The following SUCLG2 variants were observed in gnomAD, a reference collection of about 807,000 sequenced individuals.
The protein encoded by SUCLG2 is succinate--CoA ligase [GDP-forming] subunit beta, mitochondrial.
A neutral mutation model predicts 47.9 loss-of-function variants in SUCLG2; 42 were observed. That is an observed-to-expected ratio of 0.88 (90% CI 0.69 to 1.14). The LOEUF is 1.14. Ranked by LOEUF, SUCLG2 falls within the 50% of genes most tolerant of loss-of-function variation. SUCLG2 has a pLI of 0.00. For missense variants in SUCLG2, 571 were observed against 525.9 expected, an observed-to-expected ratio of 1.09 and a Z score of -0.84; for synonymous variants, 195 against 197.3, an observed-to-expected ratio of 0.99 and a Z score of 0.10.
At chr3:67,398,285 A>G (rs1702596770) in intron 10 of SUCLG2, among the ~76,000 whole-genome samples, 2 of 150,868 alleles carry the variant, frequency 1.3e-5, no homozygotes, top group Admixed American at 6.6e-5. Context: ...ACAAAGGGCT[A>G]ATATCCAGAA....
At chr3:67,547,487 A>AAGAGGCTGCAG (rs1706897156) in intron 2 of SUCLG2, among the ~76,000 whole-genome samples, 1 of 152,190 alleles carries the variant, frequency 6.6e-6, no homozygotes, top group Non-Finnish European at 1.5e-5. Context: ...GTCCTCAAGC[A>AAGAGGCTGCAG]CTGGTGCCCT....
At chr3:67,428,499 G>C (rs1703368376) in intron 9 of SUCLG2, among the ~76,000 whole-genome samples, 1 of 152,190 alleles carries the variant, frequency 6.6e-6, no homozygotes, top group Non-Finnish European at 1.5e-5. Flanking sequence ...TGAGAAACCA[G>C]AGCAGAAAAG....
chr3:67,399,182 TAAAAA>T (rs150131579), intron 10 of SUCLG2, among the ~76,000 whole-genome samples: 1 of 150,428 alleles, frequency 6.6e-6, no homozygotes, highest in Non-Finnish European at 1.5e-5. Context: ...AATAATAAAA[TAAAAA>T]AAAAGAAAAA....
chr3:67,518,692 T>C (rs984384561), intron 5 of SUCLG2, among the ~76,000 whole-genome samples: 1 of 152,234 alleles, frequency 6.6e-6, no homozygotes, highest in African/African-American at 2.4e-5. Context: ...TGCCTACTAG[T>C]AGTTAAGTTT....
chr3:67,485,478 G>A (rs1705026698), intron 9 of SUCLG2, among the ~76,000 whole-genome samples: 1 of 152,022 alleles, frequency 6.6e-6, no homozygotes, highest in Non-Finnish European at 1.5e-5. Context: ...TATATGTTAG[G>A]CTTCTTTAAA....
chr3:67,643,913 G>A (rs929433672), intron 1 of SUCLG2, among the ~76,000 whole-genome samples: 1 of 152,180 alleles, frequency 6.6e-6, no homozygotes, highest in Non-Finnish European at 1.5e-5. Flanking sequence ...CTGACCTCAG[G>A]TGATCCACCC....
At chr3:67,582,349 A>G (rs1707902135) in intron 2 of SUCLG2, among the ~76,000 whole-genome samples, 1 of 152,132 alleles carries the variant, frequency 6.6e-6, no homozygotes, top group African/African-American at 2.4e-5. Context: ...TCCCACTTAT[A>G]AGTGAGAACA....
chr3:67,494,052 A>G (rs992408274), intron 9 of SUCLG2, among the ~76,000 whole-genome samples: 5 of 152,226 alleles, frequency 3.3e-5, no homozygotes, highest in African/African-American at 1.2e-4. Context: ...AGAAAAGACA[A>G]GCAAAAACAT....
At chr3:67,624,193 T>C (rs1700783396) in intron 1 of SUCLG2, among the ~76,000 whole-genome samples, 1 of 152,254 alleles carries the variant, frequency 6.6e-6, no homozygotes, top group South Asian at 2.1e-4. Context: ...AGCGGCAGTT[T>C]TGAGTGACCT....
intron 1 of SUCLG2, among the ~76,000 whole-genome samples, chr3:67,612,303 G>C (rs2084603): frequency 0.49 from 73,416 of 151,086 alleles, 18,764 homozygotes; most frequent in African/African-American, 0.64. Context: ...AGGCTGCAGT[G>C]AGCTATGATT....
intron 1 of SUCLG2, among the ~76,000 whole-genome samples, chr3:67,622,133 A>C (rs917619343): frequency 6.6e-6 from 1 of 152,208 alleles, no homozygotes; most frequent in Non-Finnish European, 1.5e-5. Context: ...CATTAAAGCT[A>C]AGGATTAATA....
At chr3:67,597,768 T>A (rs1404170686) in intron 2 of SUCLG2, among the ~76,000 whole-genome samples, 3 of 151,764 alleles carry the variant, frequency 2.0e-5, no homozygotes, top group Non-Finnish European at 4.4e-5. Flanking sequence ...TAAAACTCCA[T>A]CTCTACGAAA....
intron 9 of SUCLG2, among the ~76,000 whole-genome samples, chr3:67,462,589 C>T (rs900264391): frequency 6.6e-6 from 1 of 152,130 alleles, no homozygotes; most frequent in Non-Finnish European, 1.5e-5. Context: ...GAGCCCCTTC[C>T]CATACCACAC....
intron 7 of SUCLG2, among the ~76,000 whole-genome samples, chr3:67,507,526 G>T (rs1363667319): frequency 7.2e-6 from 1 of 138,644 alleles, no homozygotes; most frequent in Admixed American, 7.1e-5. Context: ...TGATTGAAAA[G>T]ATTGAAAAAA....
In SUCLG2 at chr3:67,520,496, C is replaced by G. The variant is rs1429545253; in HGVS notation, c.556G>C (p.Glu186Gln). 2 of 1,614,060 alleles carry G rather than the reference C, an allele frequency of 1.2e-6. No individual in the cohort carries two copies. Among genetic ancestry groups the G allele is most frequent in the Admixed American group, 1.7e-5 (1 of 60,022 alleles). ...DIEEVAASNP[E>Q]LIFKEQIDIF... ...TTTAAACATACCTTAAAAATGAGCT[C>G]CGGGTTTGAAGCAGCCACCTCTTCA... Residue 186 changes from glutamate to glutamine, a missense_variant, in exon 5 of 11, where the codon GAG (glutamate) becomes CAG (glutamine). Coordinates refer to ENST00000307227, the MANE Select transcript of SUCLG2 (RefSeq NM_003848.4).
chr3:67,381,549 G>T (rs1288832641), intron 10 of SUCLG2, among the ~76,000 whole-genome samples: 1 of 152,180 alleles, frequency 6.6e-6, no homozygotes, highest in Non-Finnish European at 1.5e-5. Context: ...TGGTGCTACT[G>T]ACATGTTCTA....
chr3:67,518,751 T>C (rs138916536), intron 5 of SUCLG2, among the ~76,000 whole-genome samples: 2 of 152,232 alleles, frequency 1.3e-5, no homozygotes. Context: ...TTAAACACTC[T>C]ATTGATGATA....
At chr3:67,407,297 T>C (rs747980927) in intron 9 of SUCLG2, among the ~76,000 whole-genome samples, 3 of 152,210 alleles carry the variant, frequency 2.0e-5, no homozygotes, top group Admixed American at 6.5e-5. Context: ...TCCTTCTTCA[T>C]GTCACTTGAT....
intron 1 of SUCLG2, among the ~76,000 whole-genome samples, chr3:67,649,685 T>C (rs1269757703): frequency 1.3e-5 from 2 of 152,200 alleles, no homozygotes; most frequent in Non-Finnish European, 2.9e-5. Context: ...AAGATTAATC[T>C]CCAAATTTCA....
Sources: allele counts gnomAD v4.1 joint callset (sites outside exome capture counted in the v4.1 genomes callset), GRCh38; gene constraint gnomAD v4.1.1; transcripts MANE v1.5; gene names NCBI Gene and HGNC (gene_info 2026-07-23, HGNC 2026-07-21).